Variants in CYGB observed in about 807,000 individuals in gnomAD.
CYGB encodes the protein cytoglobin.
CYGB carries 13 observed loss-of-function variants against 20.7 expected under a neutral mutation model. That is an observed-to-expected ratio of 0.63 (90% CI 0.41 to 1.00). The LOEUF (loss-of-function observed/expected upper bound fraction) is 1.00. Among genes scored for constraint, CYGB ranks in the 50% least tolerant of loss-of-function variants. The pLI is 0.00. For missense variants in CYGB, 218 were observed against 257.2 expected, an observed-to-expected ratio of 0.85 and a Z score of 1.04; for synonymous variants, 93 against 107.4, an observed-to-expected ratio of 0.87 and a Z score of 0.83.
intron 1 of CYGB, chr17:76,543,816 T>C (rs2075020408): frequency 2.1e-6 from 1 of 471,082 alleles, no homozygotes; most frequent in South Asian, 1.5e-5. Context: ...CCAGAGCTCA[T>C]CCTGTCACTG....
rs111936272 is a variant in CYGB at position 76,532,530 on chromosome 17, CTTTTT to C, written c.144-844_144-840del. Among the ~76,000 whole-genome samples, 5 of 125,706 alleles carry C rather than the reference CTTTTT, an allele frequency of 4.0e-5. No individual in the cohort carries two copies. In the South Asian group the frequency reaches 1.3e-3, roughly 32 times the overall value. The allele number at this position is 125,706 out of a possible 152,430, so 82.5% of individuals were successfully genotyped here. On this transcript the variant is annotated intron_variant, in intron 1 of 3. Transcript: ENST00000293230. ...CCTGCAGTGTGAAAAATGACAATGG[CTTTTT>C]TTTTTTTTTTTTTTGAGATGGAGTC... is the stretch of plus-strand genomic sequence containing the variant.
rs1286561688 is a variant in CYGB at position 76,546,583 on chromosome 17, G to C, written c.-53+4279C>G. 1 of 152,096 alleles carries C rather than the reference G, an allele frequency of 6.6e-6. No homozygotes were observed. The highest frequency in any genetic ancestry group is 1.5e-5 in the Non-Finnish European group (1 of 68,040). The allele number at this position is 152,096 out of a possible 1,614,324, so 9.4% of individuals were successfully genotyped here. On this transcript the variant is annotated intron_variant, in intron 1 of 3. Transcript: ENST00000589145. This position sits in a 1 kb window ranked among gnomAD's most constrained non-coding sequence, Gnocchi z 4.5. ...CAATGGCGAGAGAGCAAACCCTGCT[G>C]GTTCCTCAGGCTCCCGTAGCCTCTC...
At chr17:76,541,062 C>T (rs1455225011), upstream of CYGB, among the ~76,000 whole-genome samples, 1 of 152,222 alleles carries the variant, frequency 6.6e-6, no homozygotes, top group Non-Finnish European at 1.5e-5. Context: ...TGGGCAGACC[C>T]TGCGGGCAGG....
chr17:76,529,437 C>T (rs1427389430), intron 3 of CYGB: 2 of 985,328 alleles, frequency 2.0e-6, no homozygotes, highest in Non-Finnish European at 2.4e-6. Context: ...AGATCTTAGT[C>T]CCTAGGGCAG....
chr17:76,538,844 G>T (rs1387650258), upstream of CYGB, among the ~76,000 whole-genome samples: 1 of 152,262 alleles, frequency 6.6e-6, no homozygotes, highest in African/African-American at 2.4e-5. Context: ...CAGGCTCCCG[G>T]CGACCCCTGT....
At chr17:76,529,265 GAGGGTGTAA>G in intron 3 of CYGB, 1 of 985,458 alleles carries the variant, frequency 1.0e-6, no homozygotes, top group Non-Finnish European at 1.2e-6. Context: ...GGGTGGGCTA[GAGGGTGTAA>G]AGGGATGAGG....
At position 76,527,616 on chromosome 17, in the gene CYGB, G is replaced by T. The variant is rs961765455; in HGVS notation, c.*962C>A. 1.5e-5 allele frequency: 7 copies of T among 453,430 alleles called. No homozygotes were observed. The highest frequency in any genetic ancestry group is 3.1e-5 in the Non-Finnish European group (7 of 226,274). The allele number at this position is 453,430 out of a possible 1,614,324, so 28.1% of individuals were successfully genotyped here. A position where few individuals can be genotyped will look rare whatever the true frequency, so the allele number is the denominator to read the frequency against. On this transcript the variant is annotated 3_prime_UTR_variant, in exon 4 of 4. Transcript: ENST00000293230. Reference sequence around the variant, plus strand: ...CAGGGCCGACTGCCGGCCAGGAGGAGGGTGGGGTGGGGAAAGCCCTCGGCC... The same window carrying T: ...CAGGGCCGACTGCCGGCCAGGAGGATGGTGGGGTGGGGAAAGCCCTCGGCC...
rs573833498 is a variant in CYGB at position 76,533,832 on chromosome 17, C to A, written c.144-2141G>T. ...ATCACTTGAGGCCAGGAGTTTGAGA[C>A]CAGCCTGGGCAACATAGTGAGATCC... On this transcript the variant is annotated intron_variant, in intron 1 of 3. Transcript: ENST00000293230. This position sits in a 1 kb window ranked among gnomAD's most constrained non-coding sequence, Gnocchi z 4.5. 3.3e-5 allele frequency among the ~76,000 whole-genome samples: 5 copies of A among 152,196 alleles called. No individual in the cohort carries two copies. Among genetic ancestry groups the A allele is most frequent in the Middle Eastern group, 3.4e-3 (1 of 294 alleles).
intron 1 of CYGB, 43 bp downstream of exon 1, chr17:76,537,357 C>A (rs1014376974): frequency 6.5e-7 from 1 of 1,544,384 alleles, no homozygotes; most frequent in Non-Finnish European, 8.7e-7. Context: ...GAGCCGCTGC[C>A]GCCCTCCCTG....
At chr17:76,537,732 G>A (rs1411704458), upstream of CYGB, 1 of 284,594 alleles carries the variant, frequency 3.5e-6, no homozygotes, top group East Asian at 1.7e-4. Context: ...GTGTGTGCAG[G>A]GTATATGTGC....
rs563712398 is a variant in CYGB at position 76,531,287 on chromosome 17, A to G, written c.376-145T>C. On this transcript the variant is annotated intron_variant, in intron 2 of 3. Transcript: ENST00000293230. The surrounding 1 kb of genome is among the most constrained non-coding windows in gnomAD (Gnocchi z 7.4). ...TTTGGGAACCCCGTGCTCTCAGGAC[A>G]AGGGTTGCCCTGGACCCAGCCCCTC... is the stretch of plus-strand genomic sequence containing the variant. 8 of 1,218,634 alleles carry G rather than the reference A, an allele frequency of 6.6e-6. No homozygotes were observed. Among genetic ancestry groups the G allele is most frequent in the Non-Finnish European group, 9.1e-6 (8 of 874,704 alleles). 75.5% of individuals were successfully genotyped at this position (1,218,634 alleles called of 1,614,324 possible). A position where few individuals can be genotyped will look rare whatever the true frequency, so the allele number is the denominator to read the frequency against.
Position 76,528,034 on chromosome 17 carries a change from A to G in CYGB, c.*544T>C, listed in dbSNP as rs982182216. The stretch of plus-strand genomic sequence containing the variant: ...GCCAGAACACTCTGTTCTCTGCACA[A>G]CCGGAACCCCTCCCTGCCCCACTCA... On this transcript the variant is annotated 3_prime_UTR_variant, in exon 4 of 4. Transcript: ENST00000293230. This position sits in a 1 kb window ranked among gnomAD's most constrained non-coding sequence, Gnocchi z 5.8. 1.4e-5 allele frequency: 5 copies of G among 367,024 alleles called. No homozygotes were observed. The Admixed American group carries it at 1.9e-4, about 14-fold the overall frequency. 22.7% of individuals were successfully genotyped at this position (367,024 alleles called of 1,614,324 possible).
chr17:76,543,509 A>G (rs1436698380), intron 1 of CYGB: 3 of 347,578 alleles, frequency 8.6e-6, no homozygotes, highest in South Asian at 2.2e-5. Context: ...ATTATCCACA[A>G]TTTCTAAATG....
rs918209487 is a variant in CYGB at position 76,527,924 on chromosome 17, G to C, written c.*654C>G. ...AATGTGGGGAGCTGGTCTGAGAAGG[G>C]GCTGGGCTTTGCCGCCAAGCCGGGT... On this transcript the variant is annotated 3_prime_UTR_variant, in exon 4 of 4. Coordinates refer to ENST00000293230, the MANE Select transcript of CYGB (RefSeq NM_134268.5). 3.0e-5 allele frequency: 12 copies of C among 399,942 alleles called. No individual in the cohort carries two copies. The highest frequency in any genetic ancestry group is 2.3e-4 in the African/African-American group (11 of 48,758). 24.8% of individuals were successfully genotyped at this position (399,942 alleles called of 1,614,324 possible).
upstream of CYGB, among the ~76,000 whole-genome samples, chr17:76,539,507 C>A (rs2074961396): frequency 6.6e-6 from 1 of 152,130 alleles, no homozygotes; most frequent in African/African-American, 2.4e-5. Flanking sequence ...AACTGCCAGC[C>A]CTTCACTGTT....
In CYGB at chr17:76,535,984, G is replaced by A. The variant is rs553757563; in HGVS notation, c.143+1416C>T. Reference sequence around the variant, plus strand: ...CTGCAGGTGCTGACACACGGCTGACGGCACCCTCCGAGGACGCAGTCTGGC... The same window carrying A: ...CTGCAGGTGCTGACACACGGCTGACAGCACCCTCCGAGGACGCAGTCTGGC... On this transcript the variant is annotated intron_variant, in intron 1 of 3. Transcript: ENST00000293230. 2.9e-4 allele frequency among the ~76,000 whole-genome samples: 44 copies of A among 152,306 alleles called. No individual in the cohort carries two copies. In the East Asian group the frequency reaches 6.4e-3, roughly 22 times the overall value.
intron 1 of CYGB, among the ~76,000 whole-genome samples, chr17:76,549,063 A>G (rs747632787): frequency 1.3e-5 from 2 of 152,234 alleles, no homozygotes; most frequent in African/African-American, 4.8e-5. Flanking sequence ...AGGCAATCCA[A>G]TGGAGAAAGA....
Position 76,531,149 on chromosome 17 carries a change from G to A in CYGB, c.376-7C>T. The A allele has an allele frequency of 1.9e-6, 3 of 1,611,158 alleles. No individual in the cohort carries two copies. Among genetic ancestry groups the A allele is most frequent in the Non-Finnish European group, 2.5e-6 (3 of 1,178,172 alleles). The stretch of plus-strand genomic sequence containing the variant: ...GAATGACCCCAGAGAGGATCTGGGG[G>A]CAAAGGGAGGAAGGGGGAGTGAACG... On this transcript the variant is annotated splice_polypyrimidine_tract_variant and splice_region_variant and intron_variant, in intron 2 of 3. Transcript: ENST00000293230. This position sits in a 1 kb window ranked among gnomAD's most constrained non-coding sequence, Gnocchi z 7.4.
Position 76,531,705 on chromosome 17 carries a change from CAG to C in CYGB, c.144-16_144-15del. ...TTCACAAAGAACCTGGCAAGAGGAA[CAG>C]GGGTGGTCGCTGAAGCTGGAGGCTG... On this transcript the variant is annotated splice_polypyrimidine_tract_variant and intron_variant, in intron 1 of 3. Coordinates refer to ENST00000293230, the MANE Select transcript of CYGB (RefSeq NM_134268.5). This position sits in a 1 kb window ranked among gnomAD's most constrained non-coding sequence, Gnocchi z 7.4. 2 of 1,573,174 alleles carry C rather than the reference CAG, an allele frequency of 1.3e-6. No individual in the cohort carries two copies. The highest frequency in any genetic ancestry group is 8.7e-7 in the Non-Finnish European group (1 of 1,151,564).
Sources: gnomAD v4.1 joint callset for allele counts (sites outside exome capture counted in the v4.1 genomes callset) on GRCh38, gnomAD v4.1.1 for gene constraint, Gnocchi (gnomAD v3.1) non-coding constraint, MANE v1.5 for transcripts, NCBI Gene and HGNC (gene_info 2026-07-23, HGNC 2026-07-21) for gene names.